UPF2: variants seen among roughly 807,000 people sequenced by gnomAD.
The protein encoded by UPF2 is regulator of nonsense transcripts 2.
A neutral mutation model predicts 141.4 loss-of-function variants in UPF2; 17 were observed. That is an observed-to-expected ratio of 0.12 (90% confidence interval 0.08 to 0.18). The LOEUF (loss-of-function observed/expected upper bound fraction) is 0.18. Among genes scored for constraint, UPF2 ranks in the 10% least tolerant of loss-of-function variants. The probability of loss-of-function intolerance (pLI) is 1.00; values close to 1 mark genes in which losing one functional copy is unlikely to be tolerated. For synonymous variants in UPF2, 540 were observed against 498.0 expected, an observed-to-expected ratio of 1.08 and a Z score of -1.12; for missense variants, 1,152 against 1,515.9, an observed-to-expected ratio of 0.76 and a Z score of 3.99.
At chr10:11,941,043 G>A (rs1832930176) in intron 18 of UPF2, among the ~76,000 whole-genome samples, 1 of 151,856 alleles carries the variant, frequency 6.6e-6, no homozygotes, top group South Asian at 2.1e-4. Context: ...CTCTACCAAA[G>A]CATTCTGCTC....
In UPF2 at chr10:11,955,407, G is replaced by A; in HGVS notation, c.2675C>T (p.Thr892Ile). 1 of 1,614,130 alleles carries A rather than the reference G, an allele frequency of 6.2e-7. No homozygotes were observed. The highest frequency in any genetic ancestry group is 1.7e-5 in the Admixed American group (1 of 60,016). ...ACCAAATGAGGTAAAAGAATACAGAGTTCTGAAAATAACAGCTGATTCCAC... is the reference window on the plus strand; with the variant it reads ...ACCAAATGAGGTAAAAGAATACAGAATTCTGAAAATAACAGCTGATTCCAC... Reference protein sequence around the residue: ...RMVESAVIFRTLYSFTSFGVN... With the variant: ...RMVESAVIFRILYSFTSFGVN... Residue 892 changes from threonine (T) to isoleucine (I), a missense_variant, in exon 14 of 22, where the codon ACT becomes ATT. Thr to Ile is a moderately conservative substitution (Grantham distance 89). This residue lies in a region of UPF2 where 739 missense variants were observed against 1,032.2 expected (regional missense o/e 0.72). Transcript: ENST00000357604.
At chr10:11,968,262 G>A (rs1456277364) in intron 9 of UPF2, among the ~76,000 whole-genome samples, 1 of 152,140 alleles carries the variant, frequency 6.6e-6, no homozygotes, top group African/African-American at 2.4e-5. Context: ...GTCCCAAGAT[G>A]TGCTCTGCAA....
At chr10:11,972,381 CT>C (rs754687995) in intron 9 of UPF2, among the ~76,000 whole-genome samples, 2 of 151,984 alleles carry the variant, frequency 1.3e-5, no homozygotes, top group Non-Finnish European at 2.9e-5. Context: ...AGAAAACTCT[CT>C]TTTTTTTATT....
intron 11 of UPF2, among the ~76,000 whole-genome samples, chr10:11,963,650 GAC>G (rs974208085): frequency 4.1e-4 from 63 of 152,272 alleles, no homozygotes; most frequent in African/African-American, 1.4e-3. Flanking sequence ...GTGCTTACAT[GAC>G]ACATGAATAA....
chr10:12,011,885 C>T (rs1834133657), intron 4 of UPF2, among the ~76,000 whole-genome samples: 1 of 151,480 alleles, frequency 6.6e-6, no homozygotes, highest in African/African-American at 2.4e-5. Context: ...GCAGAAGTTG[C>T]AGTGAGCCGA....
chr10:11,978,923 G>A (rs1347331211), intron 9 of UPF2, 134 bp downstream of exon 9: 1 of 682,144 alleles, frequency 1.5e-6, no homozygotes, highest in East Asian at 2.8e-5. Flanking sequence ...CAAAAATTTA[G>A]AATGCCGTAA....
rs11257433 is a variant in UPF2 at position 11,931,484 on chromosome 10, T to C, written c.3688+157A>G. Among the ~76,000 whole-genome samples, 34,477 of 152,106 alleles carry C rather than the reference T, an allele frequency of 0.23. 3,953 individuals are homozygous for C. The highest frequency in any genetic ancestry group is 0.32 in the South Asian group (1,550 of 4,818). On this transcript the variant is annotated intron_variant, in intron 20 of 21. Transcript: ENST00000357604. The surrounding 1 kb of genome is among the most constrained non-coding windows in gnomAD (Gnocchi z 5.9). ...AAATATGGTGAAAATTATATTATTG[T>C]TATTTTACAAATAAGTGAAAGAAAA...
intron 2 of UPF2, among the ~76,000 whole-genome samples, chr10:12,031,044 G>T (rs202037828): frequency 6.8e-6 from 1 of 146,850 alleles, no homozygotes; most frequent in Non-Finnish European, 1.5e-5. Context: ...CGCAGTGGCA[G>T]GCACCTGTAA....
rs1588518960 is a variant in UPF2 at position 11,920,456 on chromosome 10, C to T, written c.*842G>A. On this transcript the variant is annotated 3_prime_UTR_variant, in exon 22 of 22. Transcript: ENST00000357604. ...TGAAGGTCAACAAAATATTCTCATC[C>T]ACTTCTTGTTGTCCTTCGTTCGTTT... The T allele has an allele frequency of 6.6e-6, 1 of 152,484 alleles. No individual in the cohort carries two copies. Among genetic ancestry groups the T allele is most frequent in the East Asian group, 1.9e-4 (1 of 5,202 alleles). 9.4% of individuals were successfully genotyped at this position (152,484 alleles called of 1,614,324 possible). A position where few individuals can be genotyped will look rare whatever the true frequency, so the allele number is the denominator to read the frequency against.
chr10:11,958,144 G>C (rs1422319289), intron 12 of UPF2, among the ~76,000 whole-genome samples: 1 of 152,138 alleles, frequency 6.6e-6, no homozygotes, highest in Non-Finnish European at 1.5e-5. Context: ...CTTGAGCCCA[G>C]GAGTTCGAGA....
At chr10:11,971,471 C>T (rs1419750715) in intron 9 of UPF2, among the ~76,000 whole-genome samples, 1 of 152,072 alleles carries the variant, frequency 6.6e-6, no homozygotes. Flanking sequence ...TCAGGCTGGC[C>T]GAACTCCTGA....
chr10:12,009,088 T>C (rs1048297250), intron 4 of UPF2, among the ~76,000 whole-genome samples: 2 of 152,208 alleles, frequency 1.3e-5, no homozygotes, highest in Non-Finnish European at 2.9e-5. Flanking sequence ...ATCTAGTGTA[T>C]TATTGATGGG....
At chr10:11,963,256 AG>A (rs1833267997) in intron 11 of UPF2, among the ~76,000 whole-genome samples, 1 of 152,202 alleles carries the variant, frequency 6.6e-6, no homozygotes, top group Non-Finnish European at 1.5e-5. Context: ...CACCCATTAC[AG>A]GTGAACCACT....
At chr10:11,950,444 G>A (rs577021089) in intron 15 of UPF2, among the ~76,000 whole-genome samples, 25 of 152,224 alleles carry the variant, frequency 1.6e-4, no homozygotes, top group Non-Finnish European at 3.7e-4. Flanking sequence ...CACTGATTGC[G>A]GCCGCTACCA....
At position 11,944,491 on chromosome 10, in the gene UPF2, C is replaced by A. The variant is rs553262019; in HGVS notation, c.3175-1323G>T. Among the ~76,000 whole-genome samples the A allele has an allele frequency of 2.6e-5, 4 of 152,174 alleles. No homozygotes were observed. In the South Asian group the frequency reaches 8.3e-4, roughly 32 times the overall value. ...CCTGGGTGACAGAGCGAGACTCCAT[C>A]CCCCACCAAAAAGAAAAATGTACAC... is the stretch of plus-strand genomic sequence containing the variant. On this transcript the variant is annotated intron_variant, in intron 16 of 21. Transcript: ENST00000357604.
At chr10:12,009,269 TA>T (rs1834088944) in intron 4 of UPF2, among the ~76,000 whole-genome samples, 1 of 152,116 alleles carries the variant, frequency 6.6e-6, no homozygotes, top group Admixed American at 6.6e-5. Context: ...GCACTGACAA[TA>T]ATAGCTAAAA....
chr10:12,034,215 C>G (rs1182464991), intron 2 of UPF2, among the ~76,000 whole-genome samples: 2 of 152,146 alleles, frequency 1.3e-5, no homozygotes. Context: ...ATATTCTGTA[C>G]AATGCCTGAT....
Position 12,026,524 on chromosome 10 carries a change from T to C in UPF2, c.1145+2221A>G, listed in dbSNP as rs147696182. 15 of 402,300 alleles carry C rather than the reference T, an allele frequency of 3.7e-5. No individual in the cohort carries two copies. The East Asian group carries it at 9.9e-4, about 26-fold the overall frequency. The allele number at this position is 402,300 out of a possible 1,614,324, so 24.9% of individuals were successfully genotyped here. ...TGTCATGGGAATAAAAGTGGACACA[T>C]ATGTCCTCTACTGGTATTCCTCAAA... On this transcript the variant is annotated intron_variant, in intron 3 of 21. Coordinates refer to ENST00000357604, the MANE Select transcript of UPF2 (RefSeq NM_015542.4).
rs146058944 is a variant in UPF2 at position 12,035,307 on chromosome 10, G to A, written c.117C>T (p.Asp39=). The stretch of plus-strand genomic sequence containing the variant: ...CCTTCTTGGCAGTGAGCTTGATATC[G>A]TCTTTTGGCCTCTCCTTGCTGCTCA... ...RTVSSKERPK[D]DIKLTAKKEV... Residue 39 remains aspartate (D), a synonymous_variant, in exon 2 of 22, where the codon GAC becomes GAT. Transcript: ENST00000357604. 32 of 1,613,714 alleles carry A rather than the reference G, an allele frequency of 2.0e-5. No homozygotes were observed. In the East Asian group the frequency reaches 2.5e-4, roughly 12 times the overall value.
Sources: gnomAD v4.1 joint callset for allele counts (sites outside exome capture counted in the v4.1 genomes callset) on GRCh38, gnomAD v4.1.1 for gene constraint, gnomAD v4.1.1 regional missense constraint, Gnocchi (gnomAD v3.1) non-coding constraint, MANE v1.5 for transcripts, NCBI Gene and HGNC (gene_info 2026-07-23, HGNC 2026-07-21) for gene names.